The following ABCA9 variants were observed in gnomAD, a reference collection of about 807,000 sequenced individuals.
ABCA9 encodes ATP-binding cassette sub-family A member 9.
A neutral mutation model predicts 205.3 loss-of-function variants in ABCA9; 183 were observed. That is an observed-to-expected ratio of 0.89 (90% CI 0.79 to 1.01). The LOEUF (loss-of-function observed/expected upper bound fraction) is 1.01, where lower values mean the gene tolerates loss of function less well. ABCA9 is among the 50% of genes least tolerant of loss of function. The pLI, the probability that ABCA9 is intolerant of heterozygous loss-of-function variation, is 0.00. For missense variants in ABCA9, 1,805 were observed against 1,912.4 expected, an observed-to-expected ratio of 0.94 and a Z score of 1.05; for synonymous variants, 651 against 683.3, an observed-to-expected ratio of 0.95 and a Z score of 0.74.
Position 69,051,077 on chromosome 17 carries a change from C to T in ABCA9, c.50G>A (p.Cys17Tyr). 1 of 1,613,684 alleles carries T rather than the reference C, an allele frequency of 6.2e-7. No individual in the cohort carries two copies. Residue 17 changes from cysteine to tyrosine, a missense_variant, in exon 2 of 39, where the codon TGC becomes TAC. By Grantham distance (194) the Cys-to-Tyr change is radical. Coordinates refer to ENST00000340001, the MANE Select transcript of ABCA9 (RefSeq NM_080283.4). ...SVGQQTWALL[C>Y]KNCLKKWRMK... ...TCTCCATTTTTTGAGACAGTTCTTG[C>T]AGAGAAGAGCCCATGTTTGCTGACC...
At chr17:69,043,459 T>G in intron 6 of ABCA9, 30 bp downstream of exon 6, 1 of 1,499,554 alleles carries the variant, frequency 6.7e-7, no homozygotes, top group Non-Finnish European at 9.0e-7. Context: ...TTGTTTATGC[T>G]GTATAATGGA....
intron 26 of ABCA9, 64 bp downstream of exon 26, chr17:68,995,831 T>C: frequency 1.3e-6 from 2 of 1,588,604 alleles, no homozygotes; most frequent in Non-Finnish European, 1.7e-6. Context: ...ATTTTTGCAA[T>C]ATTCATGGCT....
At chr17:69,052,934 A>G (rs1449482445) in intron 1 of ABCA9, among the ~76,000 whole-genome samples, 1 of 152,168 alleles carries the variant, frequency 6.6e-6, no homozygotes, top group Non-Finnish European at 1.5e-5. Flanking sequence ...AAAGGATAAA[A>G]CTCAGGAACA....
At chr17:69,066,530 G>A in the ABCA9 span, among the ~76,000 whole-genome samples, 5 of 152,026 alleles carry the variant, frequency 3.3e-5, no homozygotes, top group South Asian at 4.1e-4. Flanking sequence ...CGCTGAACAC[G>A]CAGGAGAAAC....
At chr17:69,055,559 A>G (rs1372079659) in intron 1 of ABCA9, among the ~76,000 whole-genome samples, 1 of 152,232 alleles carries the variant, frequency 6.6e-6, no homozygotes, top group African/African-American at 2.4e-5. Flanking sequence ...ATCCACTCTT[A>G]TAGTTGGAGA....
the ABCA9 span, among the ~76,000 whole-genome samples, chr17:69,077,201 T>C: frequency 1.3e-5 from 2 of 152,176 alleles, no homozygotes; most frequent in Non-Finnish European, 2.9e-5. Flanking sequence ...GATTTTGGTA[T>C]GTTGTATCTC....
intron 23 of ABCA9, among the ~76,000 whole-genome samples, chr17:69,009,688 G>A (rs2070298195): frequency 6.6e-6 from 1 of 152,152 alleles, no homozygotes; most frequent in African/African-American, 2.4e-5. Flanking sequence ...TGGACTTATA[G>A]GGTGGCTGTT....
rs1205565646 is a variant in ABCA9, at chr17:69,023,599, T to G, written c.2281+615A>C. On this transcript the variant is annotated intron_variant, in intron 17 of 38. Transcript: ENST00000340001. The surrounding 1 kb of genome is among the most constrained non-coding windows in gnomAD (Gnocchi z 4.2). ...TCTTGAACTTGATATGGCAAACACA[T>G]TTTTACAGAGTAAACTTAAGAAGCA... is the stretch of plus-strand genomic sequence containing the variant. 6.6e-6 allele frequency among the ~76,000 whole-genome samples: 1 copy of G among 152,148 alleles called. No homozygotes were observed. Among genetic ancestry groups the G allele is most frequent in the African/African-American group, 2.4e-5 (1 of 41,416 alleles).
Position 68,989,946 on chromosome 17 carries a change from A to T in ABCA9, c.3838-16T>A. 6.5e-7 allele frequency: 1 copy of T among 1,549,706 alleles called. No individual in the cohort carries two copies. The highest frequency in any genetic ancestry group is 8.9e-7 in the Non-Finnish European group (1 of 1,127,630). On this transcript the variant is annotated splice_polypyrimidine_tract_variant and intron_variant, in intron 29 of 38. Coordinates refer to ENST00000340001, the MANE Select transcript of ABCA9 (RefSeq NM_080283.4). ...TGACGGGTGTCTGTAAAGACAAGTA[A>T]ATAACAACGGGACTTTATTCGCATC...
At chr17:68,998,731 CTTTA>C (rs2069723275) in intron 25 of ABCA9, among the ~76,000 whole-genome samples, 1 of 151,470 alleles carries the variant, frequency 6.6e-6, no homozygotes, top group South Asian at 2.1e-4. Flanking sequence ...TATCTTAATC[CTTTA>C]TTTATATATG....
intron 31 of ABCA9, among the ~76,000 whole-genome samples, chr17:68,987,445 A>G (rs2069273606): frequency 1.3e-5 from 2 of 152,246 alleles, no homozygotes; most frequent in African/African-American, 4.8e-5. Flanking sequence ...CTAAAGAATA[A>G]CAGGGAGGAT....
intron 37 of ABCA9, among the ~76,000 whole-genome samples, chr17:68,978,497 T>C (rs1176883634): frequency 6.6e-6 from 1 of 152,190 alleles, no homozygotes; most frequent in Non-Finnish European, 1.5e-5. Context: ...ATATGTGAAT[T>C]TGATCCTGTC....
At position 69,029,241 on chromosome 17, in the gene ABCA9, G is replaced by A; in HGVS notation, c.1446-14C>T. 2 of 1,510,234 alleles carry A rather than the reference G, an allele frequency of 1.3e-6. No homozygotes were observed. Among genetic ancestry groups the A allele is most frequent in the Non-Finnish European group, 1.8e-6 (2 of 1,101,708 alleles). 93.6% of individuals were successfully genotyped at this position (1,510,234 alleles called of 1,614,324 possible). A position where few individuals can be genotyped will look rare whatever the true frequency, so the allele number is the denominator to read the frequency against. On this transcript the variant is annotated splice_polypyrimidine_tract_variant and intron_variant, in intron 10 of 38. Coordinates refer to ENST00000340001, the MANE Select transcript of ABCA9 (RefSeq NM_080283.4). ...AGATTTTTGATTCTGAAAAAAAGAGGGAAATGTTTTCAGAGAATTGTAAAA... is the reference window on the plus strand; with the variant it reads ...AGATTTTTGATTCTGAAAAAAAGAGAGAAATGTTTTCAGAGAATTGTAAAA...
intron 1 of ABCA9, among the ~76,000 whole-genome samples, chr17:69,056,940 T>C (rs2072086859): frequency 6.6e-6 from 1 of 152,224 alleles, no homozygotes; most frequent in Non-Finnish European, 1.5e-5. Context: ...TTGGAACTCA[T>C]AGTTTTAACT....
intron 30 of ABCA9, 88 bp from the exon 31 acceptor site, chr17:68,989,206 T>G (rs1025849544): frequency 2.6e-6 from 2 of 778,788 alleles, no homozygotes; most frequent in African/African-American, 3.4e-5. Flanking sequence ...TGTCAAGTGC[T>G]ATGTGAAATG....
At chr17:69,034,346 A>G (rs898198664) in intron 8 of ABCA9, among the ~76,000 whole-genome samples, 2 of 152,114 alleles carry the variant, frequency 1.3e-5, no homozygotes, top group African/African-American at 4.8e-5. Flanking sequence ...ATCAGCCTCC[A>G]GAGTAGCTAG....
At chr17:69,015,216 T>C (rs2144244130) in intron 22 of ABCA9, among the ~76,000 whole-genome samples, 1 of 152,294 alleles carries the variant, frequency 6.6e-6, no homozygotes, top group Non-Finnish European at 1.5e-5. Flanking sequence ...CTACCCACCC[T>C]CTTCCATGCC....
At chr17:69,005,597 C>T (rs9899675) in intron 25 of ABCA9, among the ~76,000 whole-genome samples, 8,663 of 152,264 alleles carry the variant, frequency 0.057, 822 homozygotes, top group African/African-American at 0.2. Context: ...GGAAAAGCTC[C>T]GTATCAGGGA....
At position 68,975,823 on chromosome 17, in the gene ABCA9, G is replaced by A; in HGVS notation, c.*92C>T. 1 of 961,272 alleles carries A rather than the reference G, an allele frequency of 1.0e-6. No homozygotes were observed. Among genetic ancestry groups the A allele is most frequent in the Non-Finnish European group, 1.6e-6 (1 of 630,498 alleles). 59.5% of individuals were successfully genotyped at this position (961,272 alleles called of 1,614,324 possible). On this transcript the variant is annotated 3_prime_UTR_variant, in exon 39 of 39. Coordinates refer to ENST00000340001, the MANE Select transcript of ABCA9 (RefSeq NM_080283.4). Reference sequence around the variant, plus strand: ...ATTGCATGAGTTTCAAATGCATTTTGTACCACCTCTGATATAAGGCATATT... The same window carrying A: ...ATTGCATGAGTTTCAAATGCATTTTATACCACCTCTGATATAAGGCATATT...
Sources: gnomAD v4.1 joint callset for allele counts (sites outside exome capture counted in the v4.1 genomes callset) on GRCh38, gnomAD v4.1.1 for gene constraint, Gnocchi (gnomAD v3.1) non-coding constraint, MANE v1.5 for transcripts, NCBI Gene and HGNC (gene_info 2026-07-23, HGNC 2026-07-21) for gene names.